The following PCCA variants were observed in gnomAD, a reference collection of about 807,000 sequenced individuals.
PCCA encodes the protein propionyl-CoA carboxylase alpha chain, mitochondrial.
A neutral mutation model predicts 101.3 loss-of-function variants in PCCA; 74 were observed. The ratio of observed to expected loss-of-function variants is 0.73; its 90% CI spans 0.61 to 0.89. The LOEUF (loss-of-function observed/expected upper bound fraction) is 0.89. PCCA is among the 40% of genes least tolerant of loss of function. The probability of loss-of-function intolerance (pLI) is 0.00; values close to 1 mark genes in which losing one functional copy is unlikely to be tolerated. For missense variants in PCCA, 891 were observed against 907.0 expected, an observed-to-expected ratio of 0.98 and a Z score of 0.23; for synonymous variants, 294 against 313.6, an observed-to-expected ratio of 0.94 and a Z score of 0.66.
chr13:100,350,531 C>T (rs2152776966), intron 18 of PCCA, among the ~76,000 whole-genome samples: 1 of 152,248 alleles, frequency 6.6e-6, no homozygotes, highest in Middle Eastern at 3.4e-3. Flanking sequence ...TTTTCAGTTA[C>T]TTAATATGAC....
At chr13:100,465,678 T>C (rs561214342) in intron 21 of PCCA, among the ~76,000 whole-genome samples, 1 of 152,322 alleles carries the variant, frequency 6.6e-6, no homozygotes, top group African/African-American at 2.4e-5. Flanking sequence ...GCAGCATCCT[T>C]GGCGTCCACC....
Position 100,207,949 on chromosome 13 carries a change from C to T in PCCA, c.469-1383C>T, listed in dbSNP as rs181319386. ...AGGAGAATCGCTTGAACCCGGGAGA[C>T]GGAGGTTGCAGTGAGCCAAGATTGT... On this transcript the variant is annotated intron_variant, in intron 6 of 23. Coordinates refer to ENST00000376285, the MANE Select transcript of PCCA (RefSeq NM_000282.4). Among the ~76,000 whole-genome samples, 165 of 152,024 alleles carry T rather than the reference C, an allele frequency of 1.1e-3. 1 individual carries two copies. Among genetic ancestry groups the T allele is most frequent in the African/African-American group, 3.2e-3 (131 of 41,522 alleles).
At chr13:100,115,859 A>G (rs2048747356) in intron 4 of PCCA, among the ~76,000 whole-genome samples, 1 of 152,218 alleles carries the variant, frequency 6.6e-6, no homozygotes, top group Non-Finnish European at 1.5e-5. Flanking sequence ...CATAATTTAT[A>G]ATAAAATTTA....
chr13:100,443,128 A>C (rs777072534), intron 20 of PCCA, among the ~76,000 whole-genome samples: 2 of 152,034 alleles, frequency 1.3e-5, no homozygotes, highest in Non-Finnish European at 2.9e-5. Flanking sequence ...ACCATTGCAG[A>C]CCTCAGGTGA....
intron 7 of PCCA, among the ~76,000 whole-genome samples, chr13:100,228,508 T>A (rs1006272263): frequency 5.3e-5 from 8 of 152,298 alleles, no homozygotes; most frequent in Admixed American, 5.2e-4. Flanking sequence ...TAAAGAGTGT[T>A]AAGAATAATC....
At chr13:100,472,686 A>G (rs78678769) in intron 21 of PCCA, among the ~76,000 whole-genome samples, 15,793 of 151,748 alleles carry the variant, frequency 0.1, 1,371 homozygotes, top group African/African-American at 0.24. Context: ...GGTGGTCTCT[A>G]TTTGCCTGGT....
At chr13:100,347,568 T>A (rs920637815) in intron 18 of PCCA, among the ~76,000 whole-genome samples, 1 of 152,230 alleles carries the variant, frequency 6.6e-6, no homozygotes, top group Non-Finnish European at 1.5e-5. Flanking sequence ...CCTTAGAGAT[T>A]GTTGAAATAT....
chr13:100,353,261 G>A (rs2073504550), intron 18 of PCCA, among the ~76,000 whole-genome samples: 1 of 152,162 alleles, frequency 6.6e-6, no homozygotes, highest in African/African-American at 2.4e-5. Flanking sequence ...CAGCCCTATA[G>A]ACCAAATAGA....
intron 4 of PCCA, chr13:100,150,994 A>G (rs1211182892): frequency 1.7e-5 from 26 of 1,524,940 alleles, no homozygotes; most frequent in Non-Finnish European, 1.2e-5. Flanking sequence ...TGTGGAGAGC[A>G]GAGAGCTGGC....
At chr13:100,440,156 T>TTATATATATATA (rs398024171) in intron 20 of PCCA, among the ~76,000 whole-genome samples, 13 of 92,832 alleles carry the variant, frequency 1.4e-4, no homozygotes, top group South Asian at 4.3e-4. Context: ...GAGTATTAAA[T>TTATATATATATA]TATATATATA....
intron 22 of PCCA, among the ~76,000 whole-genome samples, chr13:100,518,087 C>T (rs1375238163): frequency 2.0e-5 from 3 of 152,178 alleles, no homozygotes; most frequent in Admixed American, 2.0e-4. Context: ...TGGAGTCAGT[C>T]TCCTTGGTGT....
At chr13:100,304,386 G>T (rs2066298612) in intron 14 of PCCA, among the ~76,000 whole-genome samples, 2 of 152,302 alleles carry the variant, frequency 1.3e-5, no homozygotes, top group African/African-American at 4.8e-5. Context: ...CATTATTGCT[G>T]GGAGCAATCA....
At chr13:100,119,385 T>C (rs767585010) in intron 4 of PCCA, among the ~76,000 whole-genome samples, 15 of 152,166 alleles carry the variant, frequency 9.9e-5, no homozygotes, top group Non-Finnish European at 2.2e-4. Flanking sequence ...AATTTCAAGA[T>C]GGTTTGGGTT....
At chr13:100,299,938 T>G (rs960689950) in intron 12 of PCCA, among the ~76,000 whole-genome samples, 7 of 152,224 alleles carry the variant, frequency 4.6e-5, no homozygotes, top group Admixed American at 1.3e-4. Context: ...GGTCTCAAAC[T>G]CCTGACCTGA....
chr13:100,389,204 G>A (rs147210590), intron 19 of PCCA, among the ~76,000 whole-genome samples: 13 of 152,250 alleles, frequency 8.5e-5, no homozygotes, highest in African/African-American at 2.9e-4. Context: ...GTGGTTAGGG[G>A]AGGCTTAGGA....
Position 100,527,683 on chromosome 13 carries a change from A to T in PCCA, c.2049A>T (p.Glu683Asp). The T allele has an allele frequency of 6.2e-7, 1 of 1,613,526 alleles. No individual in the cohort carries two copies. Among genetic ancestry groups the T allele is most frequent in the South Asian group, 1.1e-5 (1 of 91,072 alleles). ...VSVKPGDAVA[E>D]GQEICVIEAM... is the part of the protein sequence containing the mutation. ...CCATTTTTGTTTTCCAGGTAGCAGA[A>T]GGTCAAGAAATTTGTGTGATTGAAG... Residue 683 changes from glutamate (E) to aspartate (D), a missense_variant, in exon 23 of 24, where the codon GAA (glutamate) becomes GAT (aspartate). Transcript: ENST00000376285.
intron 20 of PCCA, among the ~76,000 whole-genome samples, chr13:100,443,161 G>A (rs2080504909): frequency 6.6e-6 from 1 of 152,120 alleles, no homozygotes. Flanking sequence ...GCTTAGACCA[G>A]GAGGCACCGT....
At chr13:100,442,522 T>C (rs917941042) in intron 20 of PCCA, among the ~76,000 whole-genome samples, 3 of 152,236 alleles carry the variant, frequency 2.0e-5, no homozygotes, top group Non-Finnish European at 1.5e-5. Flanking sequence ...TGGGAATGAA[T>C]CTAACCTTTG....
intron 21 of PCCA, among the ~76,000 whole-genome samples, chr13:100,509,031 A>G (rs1208351484): frequency 6.6e-6 from 1 of 152,224 alleles, no homozygotes. Context: ...CCCCCAAAAA[A>G]GCAGCTCTGG....
Sources: allele counts gnomAD v4.1 joint callset (sites outside exome capture counted in the v4.1 genomes callset), GRCh38; gene constraint gnomAD v4.1.1; transcripts MANE v1.5; gene names NCBI Gene and HGNC (gene_info 2026-07-23, HGNC 2026-07-21).